The following MED12L variants were observed in gnomAD, a reference collection of about 807,000 sequenced individuals.
MED12L encodes the protein mediator complex subunit 12L.
In MED12L, 60 loss-of-function variants were observed where a neutral mutation model predicts 281.3. The ratio of observed to expected loss-of-function variants is 0.21; its 90% CI spans 0.17 to 0.26. The LOEUF is 0.26. Among genes scored for constraint, MED12L ranks in the 10% least tolerant of loss-of-function variants. The probability of loss-of-function intolerance (pLI) is 1.00; values close to 1 mark genes in which losing one functional copy is unlikely to be tolerated. For missense variants in MED12L, 2,146 were observed against 2,680.9 expected, an observed-to-expected ratio of 0.80 and a Z score of 4.41; for synonymous variants, 974 against 987.2, an observed-to-expected ratio of 0.99 and a Z score of 0.25.
chr3:151,405,192 A>C (rs751942659), intron 39 of MED12L, among the ~76,000 whole-genome samples: 2 of 152,218 alleles, frequency 1.3e-5, no homozygotes, highest in Non-Finnish European at 2.9e-5. Flanking sequence ...TAGAAAGTAC[A>C]TATTTATTTA....
At chr3:151,428,920 C>T (rs916774122) in intron 43 of MED12L, among the ~76,000 whole-genome samples, 3 of 152,202 alleles carry the variant, frequency 2.0e-5, no homozygotes, top group African/African-American at 4.8e-5. Flanking sequence ...GGACGTGCTG[C>T]GTTTTTATTT....
chr3:151,141,201 G>GTTTTTTTTTTTTTTTTTT (rs1716973453), intron 5 of MED12L, among the ~76,000 whole-genome samples: 2 of 58,342 alleles, frequency 3.4e-5, no homozygotes, highest in East Asian at 6.0e-4. Flanking sequence ...TTTTTTTTTT[G>GTTTTTTTTTTTTTTTTTT]TTAGTAGAGA....
intron 11 of MED12L, among the ~76,000 whole-genome samples, chr3:151,184,562 A>G (rs1174935421): frequency 6.6e-6 from 1 of 152,142 alleles, no homozygotes; most frequent in African/African-American, 2.4e-5. Context: ...CGGAAGTACC[A>G]TCTCCCCGCT....
intron 11 of MED12L, among the ~76,000 whole-genome samples, chr3:151,175,012 G>T (rs1721874561): frequency 6.6e-6 from 1 of 152,206 alleles, no homozygotes; most frequent in Non-Finnish European, 1.5e-5. Flanking sequence ...TATGTATAAA[G>T]ATTATAAAAA....
chr3:151,157,629 G>A (rs1314648798), intron 6 of MED12L, among the ~76,000 whole-genome samples: 1 of 152,018 alleles, frequency 6.6e-6, no homozygotes. Context: ...CTTTTTATGT[G>A]ACTTTTTAAC....
At chr3:151,131,940 A>AT (rs1715461526) in intron 5 of MED12L, among the ~76,000 whole-genome samples, 2 of 152,160 alleles carry the variant, frequency 1.3e-5, no homozygotes, top group South Asian at 4.1e-4. Context: ...CACTAGCTGT[A>AT]TTTTTTCTTC....
At chr3:151,095,261 T>C (rs930903563) in intron 2 of MED12L, among the ~76,000 whole-genome samples, 5 of 152,180 alleles carry the variant, frequency 3.3e-5, no homozygotes, top group Non-Finnish European at 7.4e-5. Context: ...TAGCTTGAAA[T>C]TGGCCATACA....
chr3:151,380,035 G>T, intron 31 of MED12L, 78 bp from the exon 32 acceptor site: 1 of 895,478 alleles, frequency 1.1e-6, no homozygotes, highest in Admixed American at 2.6e-5. Flanking sequence ...TAATAGTGAG[G>T]CAAAGAAATG....
At chr3:151,294,939 C>T (rs1337231020) in intron 16 of MED12L, 3 of 1,614,154 alleles carry the variant, frequency 1.9e-6, no homozygotes, top group East Asian at 2.2e-5. Context: ...GGTCCAAATC[C>T]TGCATCATGG....
chr3:151,399,322 T>C (rs960506973), intron 39 of MED12L, among the ~76,000 whole-genome samples: 8 of 152,230 alleles, frequency 5.3e-5, no homozygotes, highest in Non-Finnish European at 1.0e-4. Flanking sequence ...GTTTGTTATT[T>C]CAAAAGAAAT....
intron 41 of MED12L, among the ~76,000 whole-genome samples, chr3:151,412,364 G>A (rs1292116258): frequency 3.3e-5 from 5 of 152,194 alleles, no homozygotes; most frequent in Admixed American, 3.3e-4. Flanking sequence ...GTTCGTTCTT[G>A]TGGCTAGTAG....
intron 16 of MED12L, among the ~76,000 whole-genome samples, chr3:151,241,624 G>GTA (rs997319387): frequency 1.2e-4 from 18 of 151,930 alleles, no homozygotes; most frequent in African/African-American, 4.4e-4. Flanking sequence ...ATGTGTGTGT[G>GTA]TATATACACA....
rs550573709 is a variant in MED12L at position 151,225,480 on chromosome 3, T to G, written c.2250+31814T>G. ...AGAAAAAGAGGGCCAACTTCTGCAG[T>G]AATACCATTAATTTGCTCACGAGGC... On this transcript the variant is annotated intron_variant, in intron 16 of 44. Transcript: ENST00000687756. Among the ~76,000 whole-genome samples the G allele has an allele frequency of 2.0e-5, 3 of 152,284 alleles. No individual in the cohort carries two copies. The East Asian group carries it at 5.8e-4, about 29-fold the overall frequency.
chr3:151,213,506 CT>C, intron 16 of MED12L: 1 of 1,614,144 alleles, frequency 6.2e-7, no homozygotes, highest in Non-Finnish European at 8.5e-7. Context: ...CGCAAGATTT[CT>C]TTTGACTGGC....
chr3:151,213,522 G>T (rs755518330), intron 16 of MED12L: 4 of 1,614,146 alleles, frequency 2.5e-6, no homozygotes, highest in Non-Finnish European at 2.5e-6. Context: ...ACTGGCAGCT[G>T]TAATGAGCTT....
In MED12L at chr3:151,382,468, G is replaced by A. The variant is rs149406025; in HGVS notation, c.4591-188G>A. Among the ~76,000 whole-genome samples, 1,048 of 152,126 alleles carry A rather than the reference G, an allele frequency of 6.9e-3. 11 individuals carry two copies. Among genetic ancestry groups the A allele is most frequent in the African/African-American group, 0.024 (1,016 of 41,486 alleles). ...AGATTTTCTTCCTCCACCTAGAACG[G>A]CAAATGCACAAATAAATAGCCAGAT... On this transcript the variant is annotated intron_variant, in intron 32 of 44. Coordinates refer to ENST00000687756, the MANE Select transcript of MED12L (RefSeq NM_001393769.1).
chr3:151,394,892 G>A (rs200013883), intron 39 of MED12L, 25 bp downstream of exon 39: 1 of 1,612,662 alleles, frequency 6.2e-7, no homozygotes. Context: ...CAGCAATGGA[G>A]TCCTTTGCAT....
chr3:151,350,706 G>A (rs1317346278), intron 17 of MED12L, among the ~76,000 whole-genome samples: 1 of 152,150 alleles, frequency 6.6e-6, no homozygotes, highest in Non-Finnish European at 1.5e-5. Flanking sequence ...AATGATTGCA[G>A]TAGGTAGTGA....
chr3:151,393,057 C>G (rs748294397), intron 38 of MED12L, among the ~76,000 whole-genome samples: 1 of 152,134 alleles, frequency 6.6e-6, no homozygotes, highest in Non-Finnish European at 1.5e-5. Context: ...TTTCCAAATG[C>G]TCTTCAAATG....
Sources: gnomAD v4.1 joint callset for allele counts (sites outside exome capture counted in the v4.1 genomes callset) on GRCh38, gnomAD v4.1.1 for gene constraint, MANE v1.5 for transcripts, NCBI Gene and HGNC (gene_info 2026-07-23, HGNC 2026-07-21) for gene names.